ZNF507: variants seen among roughly 807,000 people sequenced by gnomAD.
ZNF507 encodes zinc finger protein 507.
In ZNF507, 29 loss-of-function variants were observed where a neutral mutation model predicts 80.0. The ratio of observed to expected loss-of-function variants is 0.36; its 90% CI spans 0.27 to 0.49. The LOEUF (loss-of-function observed/expected upper bound fraction) is 0.49, where lower values mean the gene tolerates loss of function less well. Ranked by LOEUF, ZNF507 falls within the 20% of genes least tolerant of loss-of-function variation. The pLI is 0.98. For synonymous variants in ZNF507, 462 were observed against 422.5 expected (o/e 1.09, Z -1.15); for missense variants, 1,081 against 1,152.2 (o/e 0.94, Z 0.90).
chr19:32,360,856 C>A (rs186739791), intron 5 of ZNF507, among the ~76,000 whole-genome samples: 1 of 152,122 alleles, frequency 6.6e-6, no homozygotes, highest in Non-Finnish European at 1.5e-5. Context: ...ACTGCAGCCT[C>A]GAACTCCTGG....
At position 32,356,986 on chromosome 19, in the gene ZNF507, A is replaced by G. The variant is rs542902543; in HGVS notation, c.2245+253A>G. On this transcript the variant is annotated intron_variant, in intron 4 of 6. Coordinates refer to ENST00000355898, the MANE Select transcript of ZNF507 (RefSeq NM_001136156.2). ...TTCAGTTGAAACTTAAGAGCCCCTT[A>G]GAAGGTGATGTACCAGCAAGCCAGA... The G allele has an allele frequency of 5.4e-5, 19 of 349,952 alleles. No homozygotes were observed. The East Asian group carries it at 8.9e-4, about 16-fold the overall frequency. The allele number at this position is 349,952 out of a possible 1,614,324, so 21.7% of individuals were successfully genotyped here.
rs1410629175 is a variant in ZNF507 at position 32,353,030 on chromosome 19, G to T, written c.200G>T (p.Gly67Val). 6.2e-7 allele frequency: 1 copy of T among 1,613,786 alleles called. No individual in the cohort carries two copies. Among genetic ancestry groups the T allele is most frequent in the Non-Finnish European group, 8.5e-7 (1 of 1,179,974 alleles). ...NEKSQKCLLI[G>V]KKRPRSSAAT... ...AAGTCACAAAAATGTCTTTTAATTG[G>T]GAAGAAACGCCCACGTTCAAGTGCT... Residue 67 changes from glycine to valine, a missense_variant, in exon 3 of 7, where the codon GGG becomes GTG. Physicochemically the swap from Gly to Val is moderately radical, Grantham distance 109. Transcript: ENST00000355898.
chr19:32,369,108 C>T (rs1967436519), intron 5 of ZNF507, among the ~76,000 whole-genome samples: 1 of 152,176 alleles, frequency 6.6e-6, no homozygotes, highest in African/African-American at 2.4e-5. Flanking sequence ...TATAAGAAGC[C>T]TTGGGTTTCT....
At chr19:32,358,141 C>CA (rs1967275809) in intron 4 of ZNF507, 1 of 152,034 alleles carries the variant, frequency 6.6e-6, no homozygotes, top group South Asian at 2.1e-4. Flanking sequence ...TCTTTTCCTC[C>CA]ACCTGGCTCC....
rs763263966 is a variant in ZNF507 at position 32,383,013 on chromosome 19, AAG to A, written c.2795_2796del (p.Glu932AlafsTer4). ...AAAGAAAACCTCTTGGATCATATGA[AAG>A]AGCACGAGGGTGAAATTGTAAACAT... On this transcript the variant is annotated frameshift_variant, in exon 7 of 7. Transcript: ENST00000355898. LOFTEE classifies it high-confidence loss of function. 5.6e-6 allele frequency: 9 copies of A among 1,614,050 alleles called. No homozygotes were observed. The highest frequency in any genetic ancestry group is 7.6e-6 in the Non-Finnish European group (9 of 1,180,030).
intron 5 of ZNF507, among the ~76,000 whole-genome samples, chr19:32,375,678 C>T (rs985412219): frequency 7.2e-5 from 11 of 152,138 alleles, no homozygotes; most frequent in Admixed American, 2.6e-4. Context: ...AGCAAAATGC[C>T]GACAATCAGT....
chr19:32,360,796 G>C (rs947512828), intron 5 of ZNF507, among the ~76,000 whole-genome samples, 178 bp downstream of exon 5: 2 of 152,120 alleles, frequency 1.3e-5, no homozygotes, highest in African/African-American at 4.8e-5. Flanking sequence ...TTTTGAGTCA[G>C]TGTCTTGCTG....
chr19:32,366,185 C>A (rs1967396036), intron 5 of ZNF507, among the ~76,000 whole-genome samples: 1 of 151,990 alleles, frequency 6.6e-6, no homozygotes, highest in Non-Finnish European at 1.5e-5. Context: ...TCTTAAGTCT[C>A]TCTCTCCCTC....
At chr19:32,381,862 A>G (rs1022980991) in intron 5 of ZNF507, among the ~76,000 whole-genome samples, 7 of 152,158 alleles carry the variant, frequency 4.6e-5, no homozygotes, top group Non-Finnish European at 2.9e-5. Flanking sequence ...AAAGTCTATT[A>G]ATTTTTCTAA....
chr19:32,376,866 A>G (rs1172130128), intron 5 of ZNF507, among the ~76,000 whole-genome samples: 1 of 152,190 alleles, frequency 6.6e-6, no homozygotes, highest in African/African-American at 2.4e-5. Flanking sequence ...TCACGTGTCC[A>G]CTGGACAGGG....
chr19:32,378,786 T>G (rs1043273779), intron 5 of ZNF507, among the ~76,000 whole-genome samples: 1 of 152,194 alleles, frequency 6.6e-6, no homozygotes, highest in African/African-American at 2.4e-5. Flanking sequence ...CTCAAAAATA[T>G]GAAATTCTTG....
At position 32,356,734 on chromosome 19, in the gene ZNF507, G is replaced by GTATC. The variant is rs746168414; in HGVS notation, c.2245+5_2245+8dup. ...GCTGATGGAAAATGTGTCCAGGAAG[G>GTATC]TATCTATGTATTTTGTTATGCAGGC... On this transcript the variant is annotated splice_donor_variant, in intron 4 of 6. Transcript: ENST00000355898. LOFTEE classifies it high-confidence loss of function. 6 of 1,610,382 alleles carry GTATC rather than the reference G, an allele frequency of 3.7e-6. No homozygotes were observed. In the African/African-American group the frequency reaches 6.7e-5, roughly 18 times the overall value.
chr19:32,352,474 C>CTT lies in ZNF507; in HGVS notation c.-2-343_-2-342dup, dbSNP rs34217641. On this transcript the variant is annotated intron_variant, in intron 2 of 6. Coordinates refer to ENST00000355898, the MANE Select transcript of ZNF507 (RefSeq NM_001136156.2). Reference sequence around the variant, plus strand: ...GCTCCTTTAATCAAGGAATAGGAGTCTTTTTTTTTTTTTCTTGGCATTGTG... The same window carrying CTT: ...GCTCCTTTAATCAAGGAATAGGAGTCTTTTTTTTTTTTTTTCTTGGCATTGTG... 3.3e-3 allele frequency among the ~76,000 whole-genome samples: 479 copies of CTT among 146,262 alleles called. 4 individuals are homozygous for CTT. The East Asian group carries it at 0.045, about 14-fold the overall frequency.
Position 32,382,855 on chromosome 19 carries a change from C to T in ZNF507, c.2634C>T (p.Asn878=), listed in dbSNP as rs372700196. 52 of 1,614,080 alleles carry T rather than the reference C, an allele frequency of 3.2e-5. No homozygotes were observed. The highest frequency in any genetic ancestry group is 2.5e-4 in the Admixed American group (15 of 60,014). The part of the protein sequence containing the change: ...SQTPSEVLGT[N]ENEKLSPTSN... ...CTCCCAGTGAAGTTCTGGGTACCAA[C>T]GAGAATGAGAAACTGAGCCCTACAA... Residue 878 remains asparagine, a synonymous_variant, in exon 7 of 7, where the codon AAC becomes AAT. Coordinates refer to ENST00000355898, the MANE Select transcript of ZNF507 (RefSeq NM_001136156.2).
chr19:32,386,494 A>C lies in ZNF507; in HGVS notation c.*3411A>C, dbSNP rs1010006832. The stretch of plus-strand genomic sequence containing the variant: ...CATGAATACATGTATTTTTTTAAGA[A>C]ATAAGTATTGTGTAACACTATGGCA... On this transcript the variant is annotated 3_prime_UTR_variant, in exon 7 of 7. Transcript: ENST00000355898. 22 of 152,658 alleles carry C rather than the reference A, an allele frequency of 1.4e-4. No individual in the cohort carries two copies. The highest frequency in any genetic ancestry group is 5.3e-4 in the African/African-American group (22 of 41,462). 9.5% of individuals were successfully genotyped at this position (152,658 alleles called of 1,614,324 possible). A position where few individuals can be genotyped will look rare whatever the true frequency, so the allele number is the denominator to read the frequency against.
rs190948489 is a variant in ZNF507 at position 32,384,490 on chromosome 19, G to C, written c.*1407G>C. The C allele has an allele frequency of 6.6e-6, 1 of 152,100 alleles. No homozygotes were observed. The highest frequency in any genetic ancestry group is 1.5e-5 in the Non-Finnish European group (1 of 68,038). 9.4% of individuals were successfully genotyped at this position (152,100 alleles called of 1,614,324 possible). ...GCGCTCTTCTGTGCACCATCCTCAC[G>C]GTGCTATTTCCGAATATCTGAATAT... On this transcript the variant is annotated 3_prime_UTR_variant, in exon 7 of 7. Coordinates refer to ENST00000355898, the MANE Select transcript of ZNF507 (RefSeq NM_001136156.2).
At chr19:32,374,315 A>C (rs1463813083) in intron 5 of ZNF507, among the ~76,000 whole-genome samples, 1 of 152,110 alleles carries the variant, frequency 6.6e-6, no homozygotes, top group Admixed American at 6.6e-5. Context: ...TTGTTTCCAT[A>C]TAAGAAAGTT....
chr19:32,352,151 T>C (rs1312152903), intron 2 of ZNF507, among the ~76,000 whole-genome samples: 1 of 151,612 alleles, frequency 6.6e-6, no homozygotes, highest in African/African-American at 2.4e-5. Flanking sequence ...CACAGCATAG[T>C]TTGTGGTTTA....
chr19:32,379,155 A>G (rs1036992330), intron 5 of ZNF507, among the ~76,000 whole-genome samples: 29 of 152,362 alleles, frequency 1.9e-4, no homozygotes, highest in African/African-American at 6.5e-4. Flanking sequence ...AGTCACAGAT[A>G]CAGACACTGA....
Sources: allele counts gnomAD v4.1 joint callset (sites outside exome capture counted in the v4.1 genomes callset), GRCh38; gene constraint gnomAD v4.1.1; transcripts MANE v1.5; gene names NCBI Gene and HGNC (gene_info 2026-07-23, HGNC 2026-07-21).